The following DPP10 variants were observed in gnomAD, a reference collection of about 807,000 sequenced individuals.
DPP10 encodes inactive dipeptidyl peptidase 10.
A neutral mutation model predicts 120.9 loss-of-function variants in DPP10; 33 were observed. That is an observed-to-expected ratio of 0.27 (90% CI 0.21 to 0.37). The LOEUF is 0.37. Among genes scored for constraint, DPP10 ranks in the 10% least tolerant of loss-of-function variants. The probability of loss-of-function intolerance (pLI) is 1.00; values close to 1 mark genes in which losing one functional copy is unlikely to be tolerated. For synonymous variants in DPP10, 337 were observed against 326.1 expected, an observed-to-expected ratio of 1.03 and a Z score of -0.36; for missense variants, 816 against 942.8, an observed-to-expected ratio of 0.87 and a Z score of 1.76.
chr2:114,971,219 G>C (rs1279263565), intron 1 of DPP10, among the ~76,000 whole-genome samples: 1 of 152,094 alleles, frequency 6.6e-6, no homozygotes, highest in Non-Finnish European at 1.5e-5. Context: ...CAAATTTTGA[G>C]GTCACATTTG....
At chr2:114,959,591 G>A (rs766143327) in intron 1 of DPP10, among the ~76,000 whole-genome samples, 11 of 152,088 alleles carry the variant, frequency 7.2e-5, no homozygotes, top group Non-Finnish European at 1.5e-4. Flanking sequence ...TATATACCTA[G>A]GAGTGGAATC....
At chr2:114,656,369 A>G (rs989397418) in intron 1 of DPP10, among the ~76,000 whole-genome samples, 2 of 152,166 alleles carry the variant, frequency 1.3e-5, no homozygotes, top group African/African-American at 4.8e-5. Context: ...ATATATTTGT[A>G]GAGGAGGAAA....
At chr2:115,363,078 G>A (rs1052004785) in intron 3 of DPP10, among the ~76,000 whole-genome samples, 1 of 152,144 alleles carries the variant, frequency 6.6e-6, no homozygotes, top group Non-Finnish European at 1.5e-5. Context: ...GCATCTGAAA[G>A]CATGAAGCTT....
intron 1 of DPP10, chr2:114,833,368 T>A (rs1402432886): frequency 1.3e-5 from 2 of 152,050 alleles, no homozygotes; most frequent in Non-Finnish European, 2.9e-5. Context: ...TATCTAGATG[T>A]TTCCCAGGTT....
At chr2:115,824,072 T>C (rs1177913912) in intron 21 of DPP10, among the ~76,000 whole-genome samples, 2 of 152,162 alleles carry the variant, frequency 1.3e-5, no homozygotes, top group Non-Finnish European at 2.9e-5. Flanking sequence ...AGCTAAATAA[T>C]TTCATTCATT....
intron 1 of DPP10, among the ~76,000 whole-genome samples, chr2:114,663,873 T>A (rs1480564764): frequency 6.6e-6 from 1 of 151,864 alleles, no homozygotes; most frequent in African/African-American, 2.4e-5. Flanking sequence ...TTAATACATA[T>A]AAAGTATGTA....
At chr2:115,673,446 T>C (rs774413475) in intron 5 of DPP10, among the ~76,000 whole-genome samples, 1 of 152,320 alleles carries the variant, frequency 6.6e-6, no homozygotes, top group Non-Finnish European at 1.5e-5. Flanking sequence ...ATGCAATTGC[T>C]AATTAAAAGT....
intron 1 of DPP10, among the ~76,000 whole-genome samples, chr2:114,880,971 G>A (rs1024763892): frequency 2.6e-5 from 4 of 152,134 alleles, no homozygotes; most frequent in African/African-American, 9.7e-5. Context: ...GCTGTCTTAA[G>A]TCAGTACTTG....
At chr2:115,574,043 T>G (rs1470995346) in intron 5 of DPP10, among the ~76,000 whole-genome samples, 5 of 152,138 alleles carry the variant, frequency 3.3e-5, no homozygotes, top group Non-Finnish European at 5.9e-5. Context: ...CTTGGGTTGT[T>G]GTAAATTAAT....
intron 1 of DPP10, among the ~76,000 whole-genome samples, chr2:115,122,001 G>A (rs752034245): frequency 1.3e-5 from 2 of 152,180 alleles, no homozygotes; most frequent in Non-Finnish European, 2.9e-5. Context: ...CATGTCCTGT[G>A]GTGTGCAGAC....
At chr2:115,468,158 G>T (rs1227336220) in intron 3 of DPP10, 3 of 495,274 alleles carry the variant, frequency 6.1e-6, no homozygotes, top group Non-Finnish European at 1.2e-5. Flanking sequence ...CTTCTAAATG[G>T]ATCAGTACAT....
intron 5 of DPP10, among the ~76,000 whole-genome samples, chr2:115,575,037 A>C (rs1231343210): frequency 6.6e-6 from 1 of 152,186 alleles, no homozygotes; most frequent in Non-Finnish European, 1.5e-5. Context: ...CTTCAGTTTT[A>C]TTGTACAGCA....
chr2:114,732,632 T>C (rs1381181147), intron 1 of DPP10, among the ~76,000 whole-genome samples: 1 of 152,188 alleles, frequency 6.6e-6, no homozygotes, highest in African/African-American at 2.4e-5. Flanking sequence ...TAATTTGCAT[T>C]TTAGAAAACT....
At chr2:114,566,459 G>A (rs903095378) in intron 1 of DPP10, among the ~76,000 whole-genome samples, 1 of 152,152 alleles carries the variant, frequency 6.6e-6, no homozygotes, top group Non-Finnish European at 1.5e-5. Context: ...CTTTTCATTA[G>A]CATTTTGCGT....
At chr2:115,821,492 A>G (rs977449098) in intron 21 of DPP10, among the ~76,000 whole-genome samples, 2 of 152,016 alleles carry the variant, frequency 1.3e-5, no homozygotes, top group African/African-American at 4.8e-5. Flanking sequence ...TGCCCTTTAA[A>G]CAAAAAGAGA....
chr2:115,589,999 C>CA (rs2082532749), intron 5 of DPP10, among the ~76,000 whole-genome samples: 1 of 151,978 alleles, frequency 6.6e-6, no homozygotes, highest in African/African-American at 2.4e-5. Context: ...CTTTGAAGCA[C>CA]ATTAATTCTT....
chr2:114,457,189 A>G (rs1678630587), intron 1 of DPP10, among the ~76,000 whole-genome samples: 1 of 152,218 alleles, frequency 6.6e-6, no homozygotes, highest in South Asian at 2.1e-4. Flanking sequence ...TGGTCAATAC[A>G]AATAAACTAT....
At chr2:115,273,503 A>G (rs1319074766) in intron 1 of DPP10, among the ~76,000 whole-genome samples, 1 of 151,912 alleles carries the variant, frequency 6.6e-6, no homozygotes, top group African/African-American at 2.4e-5. Flanking sequence ...TGCCTGGCTA[A>G]TTTTTTGTAT....
At chr2:114,886,604 A>C (rs1446651396) in intron 1 of DPP10, among the ~76,000 whole-genome samples, 1 of 152,190 alleles carries the variant, frequency 6.6e-6, no homozygotes, top group East Asian at 1.9e-4. Context: ...TTGCCTATTA[A>C]AACTATAGAG....
Sources: gnomAD v4.1 joint callset for allele counts (sites outside exome capture counted in the v4.1 genomes callset) on GRCh38, gnomAD v4.1.1 for gene constraint, MANE v1.5 for transcripts, NCBI Gene and HGNC (gene_info 2026-07-23, HGNC 2026-07-21) for gene names.